Variants in TENM2 observed in about 807,000 individuals in gnomAD.
The protein encoded by TENM2 is teneurin transmembrane protein 2, also known as teneurin-2.
A neutral mutation model predicts 245.2 loss-of-function variants in TENM2; 52 were observed. That is an observed-to-expected ratio of 0.21 (90% CI 0.17 to 0.27). TENM2 has a LOEUF of 0.27. Ranked by LOEUF, TENM2 falls within the 10% of genes least tolerant of loss-of-function variation. The pLI is 1.00. For synonymous variants in TENM2, 1,363 were observed against 1,438.9 expected, an observed-to-expected ratio of 0.95 and a Z score of 1.19; for missense variants, 3,046 against 3,666.8, an observed-to-expected ratio of 0.83 and a Z score of 4.37.
rs557448795 is a variant in TENM2 at position 167,380,913 on chromosome 5, T to C, written c.502+5440T>C. Among the ~76,000 whole-genome samples the C allele has an allele frequency of 2.7e-4, 41 of 152,290 alleles. 3 individuals carry two copies. In the South Asian group the frequency reaches 7.9e-3, roughly 29 times the overall value. ...TCAGTCATTTTTTTAAGTTTAGTTG[T>C]TGTTTGTCAATGATCAAATTAAGTT... is the stretch of plus-strand genomic sequence containing the variant. On this transcript the variant is annotated intron_variant, in intron 2 of 28. Transcript: ENST00000518659.
At chr5:167,467,967 G>A (rs375649526) in intron 2 of TENM2, among the ~76,000 whole-genome samples, 4 of 151,966 alleles carry the variant, frequency 2.6e-5, no homozygotes, top group Admixed American at 2.6e-4. Context: ...ACGAAGTTTC[G>A]CTCTTGTCGC....
chr5:167,586,566 G>C (rs1775508606), intron 2 of TENM2, among the ~76,000 whole-genome samples: 1 of 152,164 alleles, frequency 6.6e-6, no homozygotes, highest in Non-Finnish European at 1.5e-5. Flanking sequence ...TCCTTCTCCA[G>C]GGTGTCCTGT....
chr5:167,637,247 G>T (rs1180691366), intron 2 of TENM2, among the ~76,000 whole-genome samples: 3 of 152,116 alleles, frequency 2.0e-5, no homozygotes, highest in South Asian at 2.1e-4. Context: ...ATTAAAAAGA[G>T]AATTATTTAC....
At chr5:167,211,680 T>C in the TENM2 span, among the ~76,000 whole-genome samples, 3 of 152,140 alleles carry the variant, frequency 2.0e-5, no homozygotes, top group Non-Finnish European at 4.4e-5. Flanking sequence ...CTATATTTAG[T>C]AGCTTGCAAA....
chr5:168,087,122 A>T (rs1246436386), intron 7 of TENM2, among the ~76,000 whole-genome samples: 1 of 152,192 alleles, frequency 6.6e-6, no homozygotes, highest in Admixed American at 6.5e-5. Flanking sequence ...GCTGCTTGAC[A>T]CGTGTTAATC....
chr5:167,002,124 A>G, the TENM2 span, among the ~76,000 whole-genome samples: 2 of 152,184 alleles, frequency 1.3e-5, no homozygotes, highest in African/African-American at 4.8e-5. Flanking sequence ...TTTTTCAGAA[A>G]AATATCACTG....
intron 9 of TENM2, among the ~76,000 whole-genome samples, chr5:168,109,315 G>T (rs1163049037): frequency 6.6e-6 from 1 of 152,208 alleles, no homozygotes; most frequent in Admixed American, 6.5e-5. Flanking sequence ...ATAAAATAGC[G>T]TAAGAAGAAT....
intron 2 of TENM2, among the ~76,000 whole-genome samples, chr5:167,798,755 T>A (rs1765494681): frequency 6.6e-6 from 1 of 152,224 alleles, no homozygotes; most frequent in African/African-American, 2.4e-5. Flanking sequence ...TTTACTGTCC[T>A]CAGAGGCTCT....
the TENM2 span, among the ~76,000 whole-genome samples, chr5:167,102,574 G>C: frequency 1.3e-5 from 2 of 152,226 alleles, no homozygotes; most frequent in African/African-American, 4.8e-5. Context: ...CTAAATAGGT[G>C]CAGTCTAGCA....
chr5:167,524,920 G>A (rs1007051396), intron 2 of TENM2, among the ~76,000 whole-genome samples: 3 of 151,924 alleles, frequency 2.0e-5, no homozygotes, highest in Non-Finnish European at 2.9e-5. Context: ...GAAGAAGTTA[G>A]CAGCATAAAC....
the TENM2 span, among the ~76,000 whole-genome samples, chr5:167,147,059 G>A: frequency 6.6e-6 from 1 of 152,108 alleles, no homozygotes; most frequent in Non-Finnish European, 1.5e-5. Context: ...CAAATATAGA[G>A]CATATTTACA....
intron 2 of TENM2, among the ~76,000 whole-genome samples, chr5:167,645,239 T>A (rs1295519440): frequency 6.6e-6 from 1 of 152,198 alleles, no homozygotes; most frequent in East Asian, 1.9e-4. Context: ...TAACATCAGG[T>A]GTCTTTTCTC....
At chr5:166,981,106 C>T in the TENM2 span, among the ~76,000 whole-genome samples, 2 of 152,204 alleles carry the variant, frequency 1.3e-5, no homozygotes, top group African/African-American at 4.8e-5. Flanking sequence ...AAAAAACCTA[C>T]TCTAAGGCAC....
chr5:168,219,824 CAAAAAAAAAAAA>C (rs70976468), intron 23 of TENM2, among the ~76,000 whole-genome samples: 2 of 49,818 alleles, frequency 4.0e-5, no homozygotes, highest in South Asian at 1.3e-3. Flanking sequence ...GTTGGCACAG[CAAAAAAAAAAAA>C]AAAAAAAAAA....
intron 2 of TENM2, among the ~76,000 whole-genome samples, chr5:167,858,644 G>A (rs1771312807): frequency 6.6e-6 from 1 of 151,602 alleles, no homozygotes; most frequent in Admixed American, 6.6e-5. Flanking sequence ...GCGGCCCGGG[G>A]CAGTGCGGAG....
chr5:167,959,805 T>C (rs1780859536), intron 4 of TENM2, among the ~76,000 whole-genome samples: 1 of 152,224 alleles, frequency 6.6e-6, no homozygotes, highest in Admixed American at 6.5e-5. Flanking sequence ...ATTTTCAGCC[T>C]TTTTGCGCTA....
chr5:167,229,290 C>T, the TENM2 span, among the ~76,000 whole-genome samples: 1 of 152,180 alleles, frequency 6.6e-6, no homozygotes, highest in South Asian at 2.1e-4. Context: ...TTGTGCCTGT[C>T]CTTGGGCCAC....
intron 2 of TENM2, among the ~76,000 whole-genome samples, chr5:167,728,354 G>A (rs1277956523): frequency 6.6e-6 from 1 of 151,756 alleles, no homozygotes; most frequent in Non-Finnish European, 1.5e-5. Context: ...TGTAATCCCA[G>A]CACTTTGGGC....
intron 17 of TENM2, among the ~76,000 whole-genome samples, chr5:168,202,723 A>T (rs72835053): frequency 0.022 from 3,311 of 152,078 alleles, 58 homozygotes; most frequent in Non-Finnish European, 0.033. Context: ...TTTTTTAAAG[A>T]TAAAAATGCA....
Sources: gnomAD v4.1 joint callset for allele counts (sites outside exome capture counted in the v4.1 genomes callset) on GRCh38, gnomAD v4.1.1 for gene constraint, MANE v1.5 for transcripts, NCBI Gene and HGNC (gene_info 2026-07-23, HGNC 2026-07-21) for gene names.